The following NUDCD3 variants were observed in gnomAD, a reference collection of about 807,000 sequenced individuals.
The protein encoded by NUDCD3 is nudC domain-containing protein 3.
Under a neutral mutation model 39.7 loss-of-function variants are expected in NUDCD3, and 13 were observed. The observed-to-expected ratio is 0.33, with a 90% confidence interval of 0.21 to 0.52. NUDCD3 has a LOEUF of 0.52. NUDCD3 is among the 20% of genes least tolerant of loss of function. The pLI is 0.96. For synonymous variants in NUDCD3, 175 were observed against 172.4 expected, an observed-to-expected ratio of 1.02 and a Z score of -0.12; for missense variants, 453 against 458.1, an observed-to-expected ratio of 0.99 and a Z score of 0.10.
At chr7:44,459,693 G>A (rs751985711) in intron 2 of NUDCD3, among the ~76,000 whole-genome samples, 1 of 152,128 alleles carries the variant, frequency 6.6e-6, no homozygotes, top group Non-Finnish European at 1.5e-5. Flanking sequence ...TGGAGAAGAA[G>A]ATACCATTGC....
In NUDCD3 at chr7:44,441,099, C is replaced by T. The variant is rs373191789; in HGVS notation, c.510-13396G>A. 1.6e-4 allele frequency among the ~76,000 whole-genome samples: 24 copies of T among 152,342 alleles called. 1 individual carries two copies. In the East Asian group the frequency reaches 2.1e-3, roughly 13 times the overall value. The stretch of plus-strand genomic sequence containing the variant: ...CCCTGCTGGGTGCCACTATTCACAG[C>T]ACTTGATATAGCAAATTCTGGCAAT... On this transcript the variant is annotated intron_variant, in intron 2 of 5. Transcript: ENST00000355451.
intron 2 of NUDCD3, among the ~76,000 whole-genome samples, chr7:44,435,311 G>A (rs763847519): frequency 7.9e-5 from 12 of 152,108 alleles, no homozygotes; most frequent in Non-Finnish European, 1.6e-4. Context: ...GAACACACAC[G>A]GTAAGCCTAG....
chr7:44,481,779 G>T (rs912549400), intron 2 of NUDCD3, among the ~76,000 whole-genome samples: 7 of 152,154 alleles, frequency 4.6e-5, no homozygotes, highest in African/African-American at 1.7e-4. Flanking sequence ...AAATTCCTAC[G>T]GTAAATCTTA....
chr7:44,447,853 C>T (rs1799715680), intron 2 of NUDCD3, among the ~76,000 whole-genome samples: 1 of 152,114 alleles, frequency 6.6e-6, no homozygotes, highest in Admixed American at 6.5e-5. Flanking sequence ...AGGCCATCAG[C>T]AAGGGGCACC....
rs184892671 is a variant in NUDCD3 at position 44,490,306 on chromosome 7, G to C, written c.192+103C>G. 13 of 1,167,826 alleles carry C rather than the reference G, an allele frequency of 1.1e-5. No homozygotes were observed. The African/African-American group carries it at 1.3e-4, about 11-fold the overall frequency. 72.3% of individuals were successfully genotyped at this position (1,167,826 alleles called of 1,614,324 possible). The stretch of plus-strand genomic sequence containing the variant: ...TCACAAGCTCAACCCCAGGACACCA[G>C]GAAAAGGAGGAAACAGGCTGGGAGA... On this transcript the variant is annotated intron_variant, in intron 1 of 5. Transcript: ENST00000355451.
chr7:44,437,489 T>C (rs918138231), intron 2 of NUDCD3, among the ~76,000 whole-genome samples: 3 of 152,170 alleles, frequency 2.0e-5, no homozygotes, highest in Non-Finnish European at 4.4e-5. Context: ...CTTTTGCTGA[T>C]CTTCTGTATT....
intron 2 of NUDCD3, among the ~76,000 whole-genome samples, chr7:44,456,542 G>A (rs1034144733): frequency 2.0e-5 from 3 of 152,104 alleles, no homozygotes; most frequent in Non-Finnish European, 4.4e-5. Context: ...GCCAAGATGG[G>A]AGGACGGCTT....
chr7:44,429,043 G>C (rs1317267772), intron 2 of NUDCD3, among the ~76,000 whole-genome samples: 1 of 152,226 alleles, frequency 6.6e-6, no homozygotes, highest in South Asian at 2.1e-4. Flanking sequence ...ACAAGGATTG[G>C]GAAGGGGTGG....
intron 2 of NUDCD3, chr7:44,468,345 A>AAC: frequency 9.3e-7 from 1 of 1,076,030 alleles, no homozygotes. Context: ...AAATGTAAAA[A>AAC]CTGCAAAAAA....
At chr7:44,396,087 T>TTGTGTGTGTGTGTGTGTG (rs10585173) in intron 4 of NUDCD3, among the ~76,000 whole-genome samples, 28 of 145,014 alleles carry the variant, frequency 1.9e-4, no homozygotes, top group African/African-American at 6.8e-4. Flanking sequence ...TTATCTTCTG[T>TTGTGTGTGTGTGTGTGTG]TGTGTGTGTG....
intron 2 of NUDCD3, among the ~76,000 whole-genome samples, chr7:44,437,053 C>G (rs1281777853): frequency 3.4e-5 from 5 of 148,790 alleles, no homozygotes; most frequent in African/African-American, 4.9e-5. Context: ...GTTATTACCC[C>G]TTTTTCTTTT....
chr7:44,387,359 C>T (rs555668605), intron 5 of NUDCD3, among the ~76,000 whole-genome samples: 2 of 152,242 alleles, frequency 1.3e-5, no homozygotes, highest in East Asian at 3.9e-4. Context: ...AGTGATGCAA[C>T]AACAAGCATA....
At position 44,384,045 on chromosome 7, in the gene NUDCD3, G is replaced by C. The variant is rs1316488691; in HGVS notation, c.*1966C>G. On this transcript the variant is annotated 3_prime_UTR_variant, in exon 6 of 6. Transcript: ENST00000355451. ...AGGGAGTGGGGAGAAATGCAACACA[G>C]AATATAAAATCAGGCAAAACAAACA... 1 of 152,274 alleles carries C rather than the reference G, an allele frequency of 6.6e-6. No individual in the cohort carries two copies. The highest frequency in any genetic ancestry group is 1.5e-5 in the Non-Finnish European group (1 of 68,082). 9.4% of individuals were successfully genotyped at this position (152,274 alleles called of 1,614,324 possible). A position where few individuals can be genotyped will look rare whatever the true frequency, so the allele number is the denominator to read the frequency against.
At chr7:44,418,059 G>C (rs1221426791) in intron 3 of NUDCD3, among the ~76,000 whole-genome samples, 2 of 152,142 alleles carry the variant, frequency 1.3e-5, no homozygotes, top group Non-Finnish European at 2.9e-5. Flanking sequence ...CTACACACAG[G>C]GCAGGTTTAG....
intron 2 of NUDCD3, among the ~76,000 whole-genome samples, chr7:44,464,882 T>C (rs1477049969): frequency 6.6e-6 from 1 of 152,176 alleles, no homozygotes; most frequent in Non-Finnish European, 1.5e-5. Flanking sequence ...GTACAGAATC[T>C]CAACCCTCTT....
intron 2 of NUDCD3, among the ~76,000 whole-genome samples, chr7:44,472,645 G>A (rs973885736): frequency 3.9e-5 from 6 of 152,160 alleles, no homozygotes; most frequent in South Asian, 2.1e-4. Context: ...ACAAAATAGC[G>A]TTGTGCTAAC....
Position 44,380,104 on chromosome 7 carries a change from T to A in NUDCD3, c.*5907A>T, listed in dbSNP as rs1798281859. On this transcript the variant is annotated 3_prime_UTR_variant, in exon 6 of 6. Coordinates refer to ENST00000355451, the MANE Select transcript of NUDCD3 (RefSeq NM_015332.4). ...GCCCACAGTGGCTGGGGTCTTGTCA[T>A]CAGGCACCCTGAATGCTTTCAGGTG... 6.6e-6 allele frequency: 1 copy of A among 152,242 alleles called. No homozygotes were observed. Among genetic ancestry groups the A allele is most frequent in the African/African-American group, 2.4e-5 (1 of 41,442 alleles). The allele number at this position is 152,242 out of a possible 1,614,324, so 9.4% of individuals were successfully genotyped here.
chr7:44,472,671 A>G (rs574694194), intron 2 of NUDCD3, among the ~76,000 whole-genome samples: 1 of 152,392 alleles, frequency 6.6e-6, no homozygotes, highest in South Asian at 2.1e-4. Flanking sequence ...AAATGAACAA[A>G]TGGTTTAGTA....
intron 4 of NUDCD3, among the ~76,000 whole-genome samples, chr7:44,400,047 A>G (rs973447852): frequency 6.6e-6 from 1 of 152,198 alleles, no homozygotes; most frequent in Non-Finnish European, 1.5e-5. Flanking sequence ...GAGCCCCCGC[A>G]GCAGAGCAGC....
Sources: allele counts gnomAD v4.1 joint callset (sites outside exome capture counted in the v4.1 genomes callset), GRCh38; gene constraint gnomAD v4.1.1; transcripts MANE v1.5; gene names NCBI Gene and HGNC (gene_info 2026-07-23, HGNC 2026-07-21).